TRIM2: variants seen among roughly 807,000 people sequenced by gnomAD.
The protein encoded by TRIM2 is tripartite motif-containing protein 2.
A neutral mutation model predicts 75.2 loss-of-function variants in TRIM2; 20 were observed. The observed-to-expected ratio is 0.27, with a 90% confidence interval of 0.19 to 0.39. TRIM2 has a LOEUF of 0.39. Among genes scored for constraint, TRIM2 ranks in the 10% least tolerant of loss-of-function variants. The pLI, the probability that TRIM2 is intolerant of heterozygous loss-of-function variation, is 1.00. For missense variants in TRIM2, 660 were observed against 990.8 expected (o/e 0.67, Z 4.48); for synonymous variants, 373 against 388.3 (o/e 0.96, Z 0.46).
At chr4:153,246,741 G>A (rs1560879796) in intron 1 of TRIM2, among the ~76,000 whole-genome samples, 1 of 152,190 alleles carries the variant, frequency 6.6e-6, no homozygotes, top group East Asian at 1.9e-4. Context: ...TGGCCCTAAG[G>A]TCATGGATGG....
At chr4:153,163,494 T>TA (rs1491401127) in intron 1 of TRIM2, among the ~76,000 whole-genome samples, 29,629 of 116,644 alleles carry the variant, frequency 0.25, 3,554 homozygotes, top group South Asian at 0.37. Flanking sequence ...TAGATTTACA[T>TA]CTTTTTTTTT....
upstream of TRIM2, among the ~76,000 whole-genome samples, chr4:153,200,570 C>T (rs1337704564): frequency 1.3e-5 from 2 of 151,994 alleles, no homozygotes; most frequent in Non-Finnish European, 2.9e-5. Flanking sequence ...ATTGCTTGCT[C>T]ATATGGTAAT....
chr4:153,246,966 T>C lies in TRIM2; in HGVS notation c.31-23369T>C, dbSNP rs115563201. 4.7e-3 allele frequency among the ~76,000 whole-genome samples: 713 copies of C among 152,284 alleles called. 9 individuals are homozygous for C. Among genetic ancestry groups the C allele is most frequent in the African/African-American group, 0.015 (605 of 41,560 alleles). ...CGCATCAATGTTTGTTTAGAGTGCA[T>C]TCATTTGGAGGAGGATGTGGAAGTG... On this transcript the variant is annotated intron_variant, in intron 1 of 11. Transcript: ENST00000338700.
chr4:153,244,346 T>TTCC (rs1748033529), intron 1 of TRIM2, among the ~76,000 whole-genome samples: 2 of 34,654 alleles, frequency 5.8e-5, no homozygotes, highest in Non-Finnish European at 9.2e-5. Flanking sequence ...CTTCTTCTTC[T>TTCC]TCTTCTTCCT....
rs770461206 is a variant in TRIM2, at chr4:153,295,729, G to T, written c.1203G>T (p.Gly401=). The T allele has an allele frequency of 4.6e-5, 75 of 1,613,982 alleles. No individual in the cohort carries two copies. The highest frequency in any genetic ancestry group is 6.3e-5 in the Non-Finnish European group (74 of 1,180,000). The change falls in exon 6 of 12, where the codon GGG becomes GGT. Residue 401 remains glycine (G), a synonymous_variant. Transcript: ENST00000338700. The surrounding 1 kb of genome is among the most constrained non-coding windows in gnomAD (Gnocchi z 7.2). ...YLTAELSTPD[G]SVADGEILDN... ...CCGCCGAACTGAGCACCCCCGACGGGAGCGTGGCAGACGGGGAGATCCTGG... is the reference window on the plus strand; with the variant it reads ...CCGCCGAACTGAGCACCCCCGACGGTAGCGTGGCAGACGGGGAGATCCTGG...
chr4:153,313,123 C>T (rs1402217840), intron 6 of TRIM2, among the ~76,000 whole-genome samples: 1 of 152,108 alleles, frequency 6.6e-6, no homozygotes, highest in Non-Finnish European at 1.5e-5. Context: ...GCACATATCC[C>T]CCTTCGAGGG....
At chr4:153,260,946 T>A (rs1181189302) in intron 1 of TRIM2, among the ~76,000 whole-genome samples, 2 of 152,176 alleles carry the variant, frequency 1.3e-5, no homozygotes, top group African/African-American at 4.8e-5. Flanking sequence ...GCTGAAATTT[T>A]AAAAATTAAG....
At chr4:153,290,152 G>A (rs1486484440) in intron 3 of TRIM2, among the ~76,000 whole-genome samples, 1 of 152,210 alleles carries the variant, frequency 6.6e-6, no homozygotes, top group Non-Finnish European at 1.5e-5. Flanking sequence ...ACAAACCCCA[G>A]GGGATGAAAT....
At chr4:153,194,739 A>G (rs955948558) in intron 1 of TRIM2, among the ~76,000 whole-genome samples, 1 of 152,198 alleles carries the variant, frequency 6.6e-6, no homozygotes, top group African/African-American at 2.4e-5. Flanking sequence ...AAGGTTTTTA[A>G]GTTGGGAACT....
chr4:153,269,889 A>G (rs1756210236), intron 1 of TRIM2, among the ~76,000 whole-genome samples: 1 of 152,080 alleles, frequency 6.6e-6, no homozygotes, highest in Non-Finnish European at 1.5e-5. Context: ...TTTTGAGGTC[A>G]CTGGCATTGA....
Position 153,233,370 on chromosome 4 carries a change from T to G in TRIM2, c.30+28810T>G, listed in dbSNP as rs200753699. On this transcript the variant is annotated intron_variant, in intron 1 of 11. Transcript: ENST00000338700. ...AGGATTTAGAAAATGGTGTGGGGGG[T>G]TTTTATTGGAAAGTTGTGGGGTTTT... Among the ~76,000 whole-genome samples the G allele has an allele frequency of 1.1e-4, 16 of 151,522 alleles. No homozygotes were observed. In the East Asian group the frequency reaches 1.9e-3, roughly 18 times the overall value.
chr4:153,249,303 G>T (rs1039278151), intron 1 of TRIM2, among the ~76,000 whole-genome samples: 2 of 152,020 alleles, frequency 1.3e-5, no homozygotes, highest in African/African-American at 2.4e-5. Context: ...CCCGCCTCGG[G>T]GCGGGGCCTG....
chr4:153,244,364 T>TTCCTCTTCC (rs1560874468), intron 1 of TRIM2, among the ~76,000 whole-genome samples: 2 of 30,728 alleles, frequency 6.5e-5, no homozygotes, highest in East Asian at 8.6e-4. Context: ...CCTCTTCTTC[T>TTCCTCTTCC]TCTTCTTCTT....
intron 6 of TRIM2, among the ~76,000 whole-genome samples, chr4:153,314,202 C>T (rs1472891972): frequency 1.4e-5 from 2 of 144,654 alleles, no homozygotes; most frequent in African/African-American, 5.8e-5. Context: ...GGGCGGATCA[C>T]GAGGTCAGGA....
chr4:153,256,088 A>T (rs1752011875), intron 1 of TRIM2, among the ~76,000 whole-genome samples: 1 of 152,252 alleles, frequency 6.6e-6, no homozygotes. Flanking sequence ...TAAATTGTAC[A>T]CTTTAAATGG....
intron 1 of TRIM2, among the ~76,000 whole-genome samples, chr4:153,183,722 A>G (rs1732305304): frequency 6.6e-6 from 1 of 152,178 alleles, no homozygotes; most frequent in Admixed American, 6.5e-5. Flanking sequence ...AGTTTGGCCA[A>G]AGGAGGAGGC....
intron 3 of TRIM2, 80 bp downstream of exon 3, chr4:153,276,210 A>C (rs775030056): frequency 8.9e-7 from 1 of 1,122,000 alleles, no homozygotes; most frequent in African/African-American, 1.5e-5. Flanking sequence ...ATCAGAGATT[A>C]CAGATTGAAA....
intron 1 of TRIM2, among the ~76,000 whole-genome samples, chr4:153,180,907 G>A (rs1425941378): frequency 6.6e-6 from 1 of 152,252 alleles, no homozygotes; most frequent in Non-Finnish European, 1.5e-5. Flanking sequence ...GTGCCTGCTT[G>A]TGCCAGGCAT....
intron 1 of TRIM2, among the ~76,000 whole-genome samples, chr4:153,266,636 C>T (rs955366948): frequency 2.8e-4 from 39 of 141,642 alleles, no homozygotes; most frequent in South Asian, 1.5e-3. Flanking sequence ...CCACTGTGCC[C>T]GACCTTTTTT....
Sources: gnomAD v4.1 joint callset for allele counts (sites outside exome capture counted in the v4.1 genomes callset) on GRCh38, gnomAD v4.1.1 for gene constraint, Gnocchi (gnomAD v3.1) non-coding constraint, MANE v1.5 for transcripts, NCBI Gene and HGNC (gene_info 2026-07-23, HGNC 2026-07-21) for gene names.